FHIT: variants seen among roughly 807,000 people sequenced by gnomAD.
FHIT encodes bis(5'-adenosyl)-triphosphatase.
Under a neutral mutation model 17.9 loss-of-function variants are expected in FHIT, and 19 were observed. The ratio of observed to expected loss-of-function variants is 1.06; its 90% CI spans 0.74 to 1.56. The LOEUF (loss-of-function observed/expected upper bound fraction) is 1.56. FHIT is among the 40% of genes most tolerant of loss of function. The pLI, the probability that FHIT is intolerant of heterozygous loss-of-function variation, is 0.00. For missense variants in FHIT, 248 were observed against 189.2 expected, an observed-to-expected ratio of 1.31 and a Z score of -1.82; for synonymous variants, 81 against 69.7, an observed-to-expected ratio of 1.16 and a Z score of -0.81.
chr3:59,894,698 G>T (rs1388118662), intron 8 of FHIT, among the ~76,000 whole-genome samples: 1 of 152,130 alleles, frequency 6.6e-6, no homozygotes, highest in Non-Finnish European at 1.5e-5. Flanking sequence ...GTCTTTCAAT[G>T]ATTCATATTT....
At chr3:59,981,645 G>A (rs191144293) in intron 7 of FHIT, among the ~76,000 whole-genome samples, 2 of 152,216 alleles carry the variant, frequency 1.3e-5, no homozygotes, top group Admixed American at 1.3e-4. Context: ...CACGGTGCCC[G>A]CACATTAACG....
chr3:61,029,336 C>G (rs929907758), intron 3 of FHIT, among the ~76,000 whole-genome samples: 1 of 152,140 alleles, frequency 6.6e-6, no homozygotes, highest in Non-Finnish European at 1.5e-5. Context: ...CAATCTAACG[C>G]GTATGAACAA....
chr3:59,963,486 G>A (rs921308484), intron 7 of FHIT, among the ~76,000 whole-genome samples: 4 of 152,010 alleles, frequency 2.6e-5, no homozygotes, highest in African/African-American at 9.7e-5. Context: ...GAGAGAGAGA[G>A]AGAGACAGAA....
At chr3:60,470,033 T>C (rs1005487263) in intron 5 of FHIT, among the ~76,000 whole-genome samples, 4 of 145,434 alleles carry the variant, frequency 2.8e-5, no homozygotes, top group South Asian at 4.3e-4. Context: ...TCTCTCTGTC[T>C]CTCTCCCCTC....
At chr3:59,965,646 G>T (rs9855384) in intron 7 of FHIT, among the ~76,000 whole-genome samples, 2 of 152,054 alleles carry the variant, frequency 1.3e-5, no homozygotes, top group Non-Finnish European at 2.9e-5. Flanking sequence ...TGGAGTTTAG[G>T]TTTATTAGAT....
intron 5 of FHIT, among the ~76,000 whole-genome samples, chr3:60,458,332 CA>C (rs1169446219): frequency 6.6e-6 from 1 of 151,136 alleles, no homozygotes; most frequent in Non-Finnish European, 1.5e-5. Flanking sequence ...ATGGCAAGGA[CA>C]AAAAACCAAA....
At position 60,721,890 on chromosome 3, in the gene FHIT, G is replaced by A. The variant is rs530892390; in HGVS notation, c.-18+100029C>T. Among the ~76,000 whole-genome samples the A allele has an allele frequency of 2.6e-5, 4 of 152,212 alleles. No homozygotes were observed. The South Asian group carries it at 8.3e-4, about 32-fold the overall frequency. On this transcript the variant is annotated intron_variant, in intron 4 of 9. Transcript: ENST00000492590. ...CAATTAAACTAACAATAGTACATCT[G>A]GAATCAGCTCCATGGTAATATGTAC... is the stretch of plus-strand genomic sequence containing the variant.
intron 4 of FHIT, among the ~76,000 whole-genome samples, chr3:60,591,709 C>A (rs532655123): frequency 3.4e-4 from 52 of 152,118 alleles, no homozygotes; most frequent in Non-Finnish European, 6.8e-4. Context: ...ATGAAATGAG[C>A]CTTCTGAGAT....
chr3:60,948,931 C>T lies in FHIT; in HGVS notation c.-111+93116G>A, dbSNP rs569751596. Among the ~76,000 whole-genome samples, 18 of 152,158 alleles carry T rather than the reference C, an allele frequency of 1.2e-4. No individual in the cohort carries two copies. In the South Asian group the frequency reaches 2.5e-3, roughly 21 times the overall value. On this transcript the variant is annotated intron_variant, in intron 3 of 9. Coordinates refer to ENST00000492590, the MANE Select transcript of FHIT (RefSeq NM_002012.4). ...TCACCCATCAGTTTTCCATCGCCCT[C>T]AATTTGTCTGGCACATAACAGAAAG...
intron 5 of FHIT, among the ~76,000 whole-genome samples, chr3:60,477,223 A>C (rs1217491471): frequency 2.0e-5 from 3 of 151,500 alleles, no homozygotes; most frequent in Non-Finnish European, 2.9e-5. Flanking sequence ...TTCAGTTCTT[A>C]TTCTAATGCA....
chr3:60,557,681 C>A (rs949329574), intron 4 of FHIT, among the ~76,000 whole-genome samples: 5 of 151,668 alleles, frequency 3.3e-5, no homozygotes, highest in Non-Finnish European at 7.4e-5. Flanking sequence ...CAAGCATATG[C>A]CAGTTACTAA....
Position 60,564,461 on chromosome 3 carries a change from G to A in FHIT, c.-17-27482C>T, listed in dbSNP as rs183847515. Among the ~76,000 whole-genome samples, 200 of 152,226 alleles carry A rather than the reference G, an allele frequency of 1.3e-3. 3 individuals carry two copies. Among genetic ancestry groups the A allele is most frequent in the African/African-American group, 4.5e-3 (187 of 41,542 alleles). On this transcript the variant is annotated intron_variant, in intron 4 of 9. Transcript: ENST00000492590. ...AAATACATTTTGTAAGGCTATAACT[G>A]TCATGGACAGTGACTCCTCTGATGG...
intron 5 of FHIT, among the ~76,000 whole-genome samples, chr3:60,124,507 T>C (rs184955557): frequency 3.0e-4 from 46 of 152,294 alleles, no homozygotes; most frequent in African/African-American, 1.0e-3. Context: ...GTCAGCTCCA[T>C]TATCCTGCAT....
At chr3:60,364,945 T>C (rs1700047189) in intron 5 of FHIT, among the ~76,000 whole-genome samples, 2 of 152,098 alleles carry the variant, frequency 1.3e-5, no homozygotes, top group Admixed American at 1.3e-4. Flanking sequence ...CCATAGGCTT[T>C]CTTGGTTATC....
chr3:60,636,430 G>A (rs146533877), intron 4 of FHIT, among the ~76,000 whole-genome samples: 1 of 148,598 alleles, frequency 6.7e-6, no homozygotes, highest in African/African-American at 2.4e-5. Flanking sequence ...ACCAGACTTG[G>A]GCATGTCCTA....
chr3:60,668,436 C>G (rs1623091), intron 4 of FHIT, among the ~76,000 whole-genome samples: 124,890 of 146,718 alleles, frequency 0.85, 53,329 homozygotes, highest in East Asian at 0.89. Context: ...CAGGCTTGGA[C>G]TTAGGAAACA....
intron 2 of FHIT, among the ~76,000 whole-genome samples, chr3:61,199,117 A>G (rs2038941421): frequency 6.6e-6 from 1 of 152,226 alleles, no homozygotes. Flanking sequence ...AGTTGTCCGC[A>G]GTCCAACAGC....
intron 4 of FHIT, among the ~76,000 whole-genome samples, chr3:60,713,428 A>G (rs2041594971): frequency 6.6e-6 from 1 of 150,728 alleles, no homozygotes; most frequent in African/African-American, 2.4e-5. Flanking sequence ...AACTAAAATC[A>G]GAGCAGAACT....
intron 5 of FHIT, among the ~76,000 whole-genome samples, chr3:60,299,583 G>A (rs914768000): frequency 5.3e-5 from 8 of 152,084 alleles, no homozygotes; most frequent in African/African-American, 1.2e-4. Flanking sequence ...CTGGGCAGGG[G>A]AGAAAGTCCT....
Sources: allele counts gnomAD v4.1 joint callset (sites outside exome capture counted in the v4.1 genomes callset), GRCh38; gene constraint gnomAD v4.1.1; transcripts MANE v1.5; gene names NCBI Gene and HGNC (gene_info 2026-07-23, HGNC 2026-07-21).